MAP3K19: variants seen among roughly 807,000 people sequenced by gnomAD.
The protein encoded by MAP3K19 is SPS1/STE20-related protein kinase YSK4.
Under a neutral mutation model 114.4 loss-of-function variants are expected in MAP3K19, and 91 were observed. The observed-to-expected ratio is 0.80, with a 90% CI of 0.67 to 0.95. The LOEUF (loss-of-function observed/expected upper bound fraction) is 0.95, where lower values mean the gene tolerates loss of function less well. Among genes scored for constraint, MAP3K19 ranks in the 40% least tolerant of loss-of-function variants. MAP3K19 has a pLI of 0.00. For synonymous variants in MAP3K19, 518 were observed against 530.5 expected, an observed-to-expected ratio of 0.98 and a Z score of 0.32; for missense variants, 1,471 against 1,573.2, an observed-to-expected ratio of 0.94 and a Z score of 1.10.
At chr2:135,016,798 T>C (rs1456503517) in intron 5 of MAP3K19, among the ~76,000 whole-genome samples, 1 of 152,206 alleles carries the variant, frequency 6.6e-6, no homozygotes, top group Non-Finnish European at 1.5e-5. Flanking sequence ...TCCAGTTTCC[T>C]ATCCTTTATA....
Position 134,987,789 on chromosome 2 carries a change from T to C in MAP3K19, c.1083A>G (p.Glu361=), listed in dbSNP as rs762901053. 1.2e-5 allele frequency: 19 copies of C among 1,607,562 alleles called. No individual in the cohort carries two copies. Among genetic ancestry groups the C allele is most frequent in the Admixed American group, 1.2e-4 (7 of 59,996 alleles). Residue 361 remains glutamate (E), a synonymous_variant, in exon 10 of 13, where the codon GAA becomes GAG. Transcript: ENST00000392915. ...CHGSKTRKPE[E]ENSQYLSSRK... is the part of the protein sequence containing the mutation. Reference sequence around the variant, plus strand: ...TTGATGAAAGATATTGAGAGTTCTCTTCTTCAGGTTTTCGCGTTTTACTAC... The same window carrying C: ...TTGATGAAAGATATTGAGAGTTCTCCTCTTCAGGTTTTCGCGTTTTACTAC...
Position 134,986,396 on chromosome 2 carries a change from T to C in MAP3K19, c.2476A>G (p.Asn826Asp), listed in dbSNP as rs757992956. 3 of 1,613,956 alleles carry C rather than the reference T, an allele frequency of 1.9e-6. No homozygotes were observed. Among genetic ancestry groups the C allele is most frequent in the African/African-American group, 1.3e-5 (1 of 75,062 alleles). Residue 826 changes from asparagine (N) to aspartate (D), a missense_variant, in exon 10 of 13, where the codon AAC becomes GAC. Asn to Asp is a conservative substitution (Grantham distance 23). Transcript: ENST00000392915. ...EESTGDRDIS[N>D]NQILTTSLRD... Reference sequence around the variant, plus strand: ...AGGCTTGTGGTGAGTATTTGATTGTTAGAAATGTCTCTATCACCAGTAGAC... The same window carrying C: ...AGGCTTGTGGTGAGTATTTGATTGTCAGAAATGTCTCTATCACCAGTAGAC...
rs910080857 is a variant in MAP3K19 at position 134,986,629 on chromosome 2, G to A, written c.2243C>T (p.Ala748Val). 1 of 1,614,122 alleles carries A rather than the reference G, an allele frequency of 6.2e-7. No individual in the cohort carries two copies. Among genetic ancestry groups the A allele is most frequent in the East Asian group, 2.2e-5 (1 of 44,884 alleles). The part of the protein sequence containing the change: ...VLISKEKSSK[A>V]VHSNLHDIEN... ...AATGTCATGTAGGTTGCTATGTACA[G>A]CCTTGGAACTCTTTTCTTTAGAAAT... Residue 748 changes from alanine to valine, a missense_variant, in exon 10 of 13, where the codon GCT becomes GTT. Physicochemically the swap from Ala to Val is moderately conservative, Grantham distance 64 (BLOSUM62 0). Coordinates refer to ENST00000392915, the MANE Select transcript of MAP3K19 (RefSeq NM_025052.5).
At chr2:134,992,675 AT>A (rs11414198) in intron 8 of MAP3K19, among the ~76,000 whole-genome samples, 87 of 147,942 alleles carry the variant, frequency 5.9e-4, no homozygotes, top group Non-Finnish European at 6.8e-4. Flanking sequence ...AGAGCTGCAG[AT>A]TTTTTTTTTT....
At chr2:134,998,632 TG>T in intron 8 of MAP3K19, 105 bp downstream of exon 8, 2 of 1,211,200 alleles carry the variant, frequency 1.7e-6, no homozygotes, top group Non-Finnish European at 2.3e-6. Flanking sequence ...GGTTATTTTC[TG>T]GTATGTTCAC....
At chr2:135,005,803 A>G (rs1250915143) in intron 5 of MAP3K19, among the ~76,000 whole-genome samples, 3 of 152,214 alleles carry the variant, frequency 2.0e-5, no homozygotes, top group African/African-American at 4.8e-5. Flanking sequence ...ATACTTTATC[A>G]TCTCAGTGCC....
chr2:135,017,635 C>A (rs1687666075), intron 5 of MAP3K19, among the ~76,000 whole-genome samples: 1 of 152,144 alleles, frequency 6.6e-6, no homozygotes, highest in Non-Finnish European at 1.5e-5. Flanking sequence ...GTTTTTCAAC[C>A]TCATGCTAAC....
At chr2:135,022,493 T>G (rs148437020) in intron 4 of MAP3K19, among the ~76,000 whole-genome samples, 2 of 152,128 alleles carry the variant, frequency 1.3e-5, no homozygotes, top group Non-Finnish European at 2.9e-5. Context: ...AAAACTACCA[T>G]GTATTTTTCA....
intron 12 of MAP3K19, among the ~76,000 whole-genome samples, chr2:134,979,332 A>G (rs1048914289): frequency 6.6e-6 from 1 of 151,996 alleles, no homozygotes; most frequent in Admixed American, 6.6e-5. Context: ...CTTCACAATA[A>G]CCCTGTTAAT....
At chr2:134,973,183 T>C (rs1683992476) in intron 12 of MAP3K19, among the ~76,000 whole-genome samples, 1 of 152,208 alleles carries the variant, frequency 6.6e-6, no homozygotes, top group Admixed American at 6.5e-5. Context: ...GTTTCTCTAT[T>C]GATGTTTTGT....
At chr2:135,006,774 C>T (rs972466696) in intron 5 of MAP3K19, among the ~76,000 whole-genome samples, 1 of 151,650 alleles carries the variant, frequency 6.6e-6, no homozygotes, top group Non-Finnish European at 1.5e-5. Context: ...CACGCCACTG[C>T]ACTCCAGCCT....
chr2:135,015,325 T>C (rs897589051), intron 5 of MAP3K19, among the ~76,000 whole-genome samples: 2 of 152,228 alleles, frequency 1.3e-5, no homozygotes, highest in African/African-American at 4.8e-5. Context: ...TATATTTTGT[T>C]GGCCATTTAG....
Position 134,987,993 on chromosome 2 carries a change from A to G in MAP3K19, c.879T>C (p.Pro293=). 6.2e-7 allele frequency: 1 copy of G among 1,614,208 alleles called. No homozygotes were observed. The highest frequency in any genetic ancestry group is 8.5e-7 in the Non-Finnish European group (1 of 1,180,048). ...FIWSRNMCSF[P]KTNHHRQCLE... The stretch of plus-strand genomic sequence containing the variant: ...GGCATTGCCTGTGATGGTTAGTCTT[A>G]GGAAAAGAGCACATGTTTCTTGACC... Residue 293 remains proline, a synonymous_variant, in exon 10 of 13, where the codon CCT becomes CCC. Transcript: ENST00000392915.
At chr2:135,033,678 C>CG (rs761988277) in intron 2 of MAP3K19, among the ~76,000 whole-genome samples, 56,629 of 56,652 alleles carry the variant, frequency 1, 28,305 homozygotes, top group Middle Eastern at 1. Context: ...ACCCCCCGGA[C>CG]GGGCGGCCGG....
chr2:134,981,056 C>T lies in MAP3K19; in HGVS notation c.3685G>A (p.Gly1229Arg). The T allele has an allele frequency of 6.2e-7, 1 of 1,614,244 alleles. No individual in the cohort carries two copies. Among genetic ancestry groups the T allele is most frequent in the Non-Finnish European group, 8.5e-7 (1 of 1,180,046 alleles). Residue 1229 changes from glycine (G) to arginine (R), a missense_variant, in exon 12 of 13, where the codon GGG becomes AGG. Physicochemically the swap from Gly to Arg is moderately radical, Grantham distance 125 (BLOSUM62 -2). Coordinates refer to ENST00000392915, the MANE Select transcript of MAP3K19 (RefSeq NM_025052.5). ...TCTGGGGCCATCCAATATGGAGTCC[C>T]ATGCATGGACTTAAGCATGTCACTG... ...THSDMLKSMH[G>R]TPYWMAPEVI...
At chr2:135,044,187 C>T (rs1028615639) in intron 1 of MAP3K19, among the ~76,000 whole-genome samples, 1 of 152,138 alleles carries the variant, frequency 6.6e-6, no homozygotes, top group Admixed American at 6.5e-5. Flanking sequence ...CCAAATAACA[C>T]CATCAGAACA....
chr2:135,014,685 C>G (rs1199151982), intron 5 of MAP3K19, among the ~76,000 whole-genome samples: 1 of 152,166 alleles, frequency 6.6e-6, no homozygotes, highest in Non-Finnish European at 1.5e-5. Flanking sequence ...AGAACACTAC[C>G]AATATCCCCA....
chr2:135,041,921 G>A (rs1047117246), intron 1 of MAP3K19, among the ~76,000 whole-genome samples: 1 of 152,124 alleles, frequency 6.6e-6, no homozygotes, highest in Non-Finnish European at 1.5e-5. Flanking sequence ...ACGTGAACAT[G>A]TACAGAAACA....
At chr2:134,992,601 C>T (rs919824489) in intron 8 of MAP3K19, among the ~76,000 whole-genome samples, 5 of 152,162 alleles carry the variant, frequency 3.3e-5, no homozygotes, top group African/African-American at 7.2e-5. Context: ...TTACCCAGCT[C>T]GCAGTGATGT....
Sources: gnomAD v4.1 joint callset for allele counts (sites outside exome capture counted in the v4.1 genomes callset) on GRCh38, gnomAD v4.1.1 for gene constraint, MANE v1.5 for transcripts, NCBI Gene and HGNC (gene_info 2026-07-23, HGNC 2026-07-21) for gene names.